TAFA1: variants seen among roughly 807,000 people sequenced by gnomAD.
TAFA1 encodes the protein TAFA chemokine like family member 1.
In TAFA1, 4 loss-of-function variants were observed where a neutral mutation model predicts 18.5. That is an observed-to-expected ratio of 0.22 (90% CI 0.11 to 0.49). TAFA1 has a LOEUF of 0.49. Ranked by LOEUF, TAFA1 falls within the 20% of genes least tolerant of loss-of-function variation. The probability of loss-of-function intolerance (pLI) is 0.98; values close to 1 mark genes in which losing one functional copy is unlikely to be tolerated. For synonymous variants in TAFA1, 56 were observed against 55.2 expected, an observed-to-expected ratio of 1.01 and a Z score of -0.06; for missense variants, 147 against 169.0, an observed-to-expected ratio of 0.87 and a Z score of 0.72.
intron 2 of TAFA1, among the ~76,000 whole-genome samples, chr3:68,307,367 T>C (rs2106665602): frequency 6.6e-6 from 1 of 152,342 alleles, no homozygotes; most frequent in Admixed American, 6.5e-5. Flanking sequence ...TTTTCTAGCA[T>C]CCCATTGCTG....
In TAFA1 at chr3:68,466,016, G is replaced by C. The variant is rs557460680; in HGVS notation, c.259+48596G>C. 1.2e-4 allele frequency among the ~76,000 whole-genome samples: 19 copies of C among 152,226 alleles called. No homozygotes were observed. The East Asian group carries it at 3.5e-3, about 28-fold the overall frequency. The stretch of plus-strand genomic sequence containing the variant: ...CTGACTGTATTGTATAATTGTTATG[G>C]TAGATGTTATCATTTGTTGAGTGTA... On this transcript the variant is annotated intron_variant, in intron 3 of 4. Transcript: ENST00000478136.
intron 2 of TAFA1, among the ~76,000 whole-genome samples, chr3:68,277,183 A>C (rs75163884): frequency 6.6e-6 from 1 of 152,146 alleles, no homozygotes; most frequent in Non-Finnish European, 1.5e-5. Flanking sequence ...ACCTTTATTC[A>C]TACCAGAATC....
At chr3:68,252,441 A>G (rs887747153) in intron 2 of TAFA1, among the ~76,000 whole-genome samples, 1 of 152,160 alleles carries the variant, frequency 6.6e-6, no homozygotes, top group African/African-American at 2.4e-5. Flanking sequence ...ATATCTCTTT[A>G]AAAAATTGAA....
At chr3:68,007,720 CCT>C (rs1017946372) in intron 2 of TAFA1, among the ~76,000 whole-genome samples, 13 of 152,058 alleles carry the variant, frequency 8.5e-5, no homozygotes, top group African/African-American at 3.1e-4. Flanking sequence ...CCTCCACCCG[CCT>C]CTCCAAATCC....
At chr3:68,262,301 TGGAGGG>T (rs2067442649) in intron 2 of TAFA1, among the ~76,000 whole-genome samples, 1 of 118,594 alleles carries the variant, frequency 8.4e-6, no homozygotes, top group Non-Finnish European at 1.8e-5. Flanking sequence ...ATTTTAGATA[TGGAGGG>T]TATATATATA....
chr3:68,140,267 C>G (rs148933078), intron 2 of TAFA1, among the ~76,000 whole-genome samples: 201 of 152,272 alleles, frequency 1.3e-3, no homozygotes, highest in African/African-American at 4.6e-3. Flanking sequence ...TGCCTTTCTT[C>G]ACTTACTGCA....
chr3:68,233,087 C>T (rs1397484298), intron 2 of TAFA1, among the ~76,000 whole-genome samples: 3 of 152,074 alleles, frequency 2.0e-5, no homozygotes, highest in Non-Finnish European at 4.4e-5. Context: ...TTTTGATTTG[C>T]ATTTCCCTGA....
chr3:68,113,639 T>C (rs1196743328), intron 2 of TAFA1, among the ~76,000 whole-genome samples: 2 of 152,046 alleles, frequency 1.3e-5, no homozygotes, highest in African/African-American at 4.8e-5. Context: ...AAATATGAAA[T>C]GAAAATAATC....
At chr3:68,122,713 T>C (rs2065415960) in intron 2 of TAFA1, among the ~76,000 whole-genome samples, 1 of 152,170 alleles carries the variant, frequency 6.6e-6, no homozygotes, top group Non-Finnish European at 1.5e-5. Context: ...TAAATAGAAC[T>C]TGAAATAAAT....
intron 2 of TAFA1, among the ~76,000 whole-genome samples, chr3:68,228,012 A>G (rs1197739244): frequency 6.6e-6 from 1 of 152,192 alleles, no homozygotes; most frequent in African/African-American, 2.4e-5. Context: ...CAGGTTGACA[A>G]GTGCATAAGT....
intron 2 of TAFA1, among the ~76,000 whole-genome samples, chr3:68,038,562 G>A (rs1055552510): frequency 1.3e-5 from 2 of 152,124 alleles, no homozygotes; most frequent in African/African-American, 4.8e-5. Flanking sequence ...ATGTCAAGTG[G>A]ATGTATAAAT....
chr3:68,258,444 C>T (rs545890865), intron 2 of TAFA1, among the ~76,000 whole-genome samples: 16 of 152,124 alleles, frequency 1.1e-4, no homozygotes, highest in Non-Finnish European at 2.2e-4. Flanking sequence ...TAACTATGCT[C>T]CCTTTTTACA....
chr3:68,374,305 C>T (rs936403453), intron 2 of TAFA1, among the ~76,000 whole-genome samples: 1 of 152,106 alleles, frequency 6.6e-6, no homozygotes, highest in African/African-American at 2.4e-5. Context: ...TAAACATGAT[C>T]ATACTTTATA....
At chr3:68,003,329 C>T (rs1213126137), upstream of TAFA1, among the ~76,000 whole-genome samples, 2 of 152,166 alleles carry the variant, frequency 1.3e-5, no homozygotes, top group Non-Finnish European at 2.9e-5. Flanking sequence ...AGAGAGTATT[C>T]TGGGGAATTT....
intron 2 of TAFA1, among the ~76,000 whole-genome samples, chr3:68,316,456 GT>G (rs2068606599): frequency 1.3e-5 from 2 of 152,202 alleles, no homozygotes; most frequent in African/African-American, 4.8e-5. Context: ...AGAATAATGT[GT>G]TTATAATGTT....
At chr3:68,344,601 T>A (rs1454278659) in intron 2 of TAFA1, among the ~76,000 whole-genome samples, 1 of 152,154 alleles carries the variant, frequency 6.6e-6, no homozygotes, top group African/African-American at 2.4e-5. Flanking sequence ...GAACTGACTA[T>A]CAAGTAACCT....
intron 2 of TAFA1, among the ~76,000 whole-genome samples, chr3:68,303,992 C>T (rs1028971946): frequency 3.3e-5 from 5 of 152,104 alleles, no homozygotes; most frequent in Non-Finnish European, 5.9e-5. Context: ...CAAAAGTAGA[C>T]ATTACATTAG....
intron 2 of TAFA1, among the ~76,000 whole-genome samples, chr3:68,028,576 C>T (rs1275510636): frequency 1.3e-5 from 2 of 151,962 alleles, no homozygotes; most frequent in African/African-American, 2.4e-5. Context: ...GGGCTACGCT[C>T]CTATGGGAGG....
At chr3:68,167,699 A>G (rs1443589756) in intron 2 of TAFA1, among the ~76,000 whole-genome samples, 1 of 152,156 alleles carries the variant, frequency 6.6e-6, no homozygotes, top group East Asian at 1.9e-4. Flanking sequence ...ATTTTTAACA[A>G]GGGCACCAGG....
Sources: gnomAD v4.1 joint callset for allele counts (sites outside exome capture counted in the v4.1 genomes callset) on GRCh38, gnomAD v4.1.1 for gene constraint, MANE v1.5 for transcripts, NCBI Gene and HGNC (gene_info 2026-07-23, HGNC 2026-07-21) for gene names.